Variants in SPEF2 observed in about 807,000 individuals in gnomAD.
The protein encoded by SPEF2 is sperm flagellar and cilia associated 2.
SPEF2 carries 187 observed loss-of-function variants against 224.6 expected under a neutral mutation model. That is an observed-to-expected ratio of 0.83 (90% CI 0.74 to 0.94). The LOEUF (loss-of-function observed/expected upper bound fraction) is 0.94. SPEF2 is among the 40% of genes least tolerant of loss of function. SPEF2 has a pLI of 0.00. For synonymous variants in SPEF2, 715 were observed against 707.3 expected (o/e 1.01, Z -0.17); for missense variants, 2,170 against 2,135.6 (o/e 1.02, Z -0.32).
chr5:35,791,367 GA>G (rs1271678744), intron 30 of SPEF2: 2 of 152,172 alleles, frequency 1.3e-5, no homozygotes, highest in African/African-American at 4.8e-5. Context: ...TGAGATTTTA[GA>G]AGGATTATTG....
chr5:35,772,053 T>C (rs1044380654), intron 27 of SPEF2, among the ~76,000 whole-genome samples: 1 of 152,236 alleles, frequency 6.6e-6, no homozygotes, highest in Non-Finnish European at 1.5e-5. Context: ...CTGAAAAGTC[T>C]GTGCAGAAAG....
intron 10 of SPEF2, among the ~76,000 whole-genome samples, chr5:35,683,161 C>G (rs1364004507): frequency 2.6e-5 from 4 of 152,136 alleles, no homozygotes; most frequent in Admixed American, 2.6e-4. Flanking sequence ...CCATTAGGCT[C>G]CTACAACAGG....
chr5:35,690,927 A>G (rs1411813143), intron 10 of SPEF2, 110 bp from the exon 11 acceptor site: 4 of 747,096 alleles, frequency 5.4e-6, no homozygotes, highest in East Asian at 2.8e-5. Flanking sequence ...TAAAGTATTC[A>G]TTGGCTTTTG....
At chr5:35,810,384 T>C (rs1265163657) in intron 36 of SPEF2, among the ~76,000 whole-genome samples, 1 of 152,112 alleles carries the variant, frequency 6.6e-6, no homozygotes. Flanking sequence ...GCTAATTTTT[T>C]GTATTTTTAG....
At chr5:35,748,239 C>G (rs191101056) in intron 23 of SPEF2, among the ~76,000 whole-genome samples, 1 of 151,946 alleles carries the variant, frequency 6.6e-6, no homozygotes, top group African/African-American at 2.4e-5. Flanking sequence ...CAAAAGAGCA[C>G]AAACTGACAT....
At chr5:35,753,233 GTTAA>G (rs1262780523) in intron 23 of SPEF2, among the ~76,000 whole-genome samples, 3 of 151,920 alleles carry the variant, frequency 2.0e-5, no homozygotes, top group Non-Finnish European at 4.4e-5. Flanking sequence ...AATTAATTAT[GTTAA>G]TTAATACAGC....
intron 10 of SPEF2, among the ~76,000 whole-genome samples, chr5:35,672,180 A>G (rs1448328231): frequency 1.3e-5 from 2 of 150,436 alleles, no homozygotes; most frequent in East Asian, 4.1e-4. Flanking sequence ...TTTGTTCAGG[A>G]GTTTTAATGC....
In SPEF2 at chr5:35,671,260, C is replaced by T. The variant is rs937436813; in HGVS notation, c.1524+1033C>T. 5.1e-6 allele frequency: 5 copies of T among 978,150 alleles called. No individual in the cohort carries two copies. The African/African-American group carries it at 8.8e-5, about 17-fold the overall frequency. 60.6% of individuals were successfully genotyped at this position (978,150 alleles called of 1,614,324 possible). On this transcript the variant is annotated intron_variant, in intron 10 of 36. Transcript: ENST00000356031. Reference sequence around the variant, plus strand: ...ATGAACAAAGAAAAGTGCAAAATAACACTAACAAGTAAATATTACAAGAAG... The same window carrying T: ...ATGAACAAAGAAAAGTGCAAAATAATACTAACAAGTAAATATTACAAGAAG...
chr5:35,684,450 A>G (rs1305962662), intron 10 of SPEF2, among the ~76,000 whole-genome samples: 5 of 152,228 alleles, frequency 3.3e-5, no homozygotes, highest in Non-Finnish European at 7.3e-5. Flanking sequence ...TCACAGTGAC[A>G]TCCTATTCCA....
intron 20 of SPEF2, among the ~76,000 whole-genome samples, chr5:35,715,969 G>A (rs977550226): frequency 2.0e-5 from 3 of 151,844 alleles, no homozygotes; most frequent in African/African-American, 7.3e-5. Context: ...ACTAAAGATT[G>A]AAATGCAGTA....
At chr5:35,742,987 A>T (rs934460428) in intron 23 of SPEF2, among the ~76,000 whole-genome samples, 2 of 151,714 alleles carry the variant, frequency 1.3e-5, no homozygotes, top group Admixed American at 6.6e-5. Flanking sequence ...TATTTAAAGT[A>T]TTATGTTACT....
At chr5:35,743,323 A>G (rs970291814) in intron 23 of SPEF2, among the ~76,000 whole-genome samples, 2 of 152,146 alleles carry the variant, frequency 1.3e-5, no homozygotes, top group African/African-American at 4.8e-5. Flanking sequence ...TTAAAATTCA[A>G]TCCAGGCAAT....
At chr5:35,699,161 C>T (rs1185460313) in intron 15 of SPEF2, 1 of 152,178 alleles carries the variant, frequency 6.6e-6, no homozygotes, top group Non-Finnish European at 1.5e-5. Context: ...TGTTTTCCCC[C>T]TCCTTCCTTG....
chr5:35,671,432 G>A (rs2149481393), intron 10 of SPEF2: 3 of 975,374 alleles, frequency 3.1e-6, no homozygotes, highest in South Asian at 4.7e-5. Context: ...ATATGTGGAT[G>A]TTTGTTTTGT....
intron 20 of SPEF2, among the ~76,000 whole-genome samples, chr5:35,716,876 T>A (rs1742676026): frequency 6.6e-6 from 1 of 152,170 alleles, no homozygotes; most frequent in South Asian, 2.1e-4. Flanking sequence ...ACTTATTAAT[T>A]CCTGCTGTCG....
chr5:35,684,078 ATAATT>A lies in SPEF2; in HGVS notation c.1525-6954_1525-6950del, dbSNP rs200088120. ...AAATAATATATGTTTTATTATATAA[ATAATT>A]TAATCATATCTACATAGATAATAAA... On this transcript the variant is annotated intron_variant, in intron 10 of 36. Transcript: ENST00000356031. The A allele has an allele frequency of 6.0e-3, 920 of 152,282 alleles. 15 individuals carry two copies. The highest frequency in any genetic ancestry group is 0.021 in the African/African-American group (882 of 41,570). 9.4% of individuals were successfully genotyped at this position (152,282 alleles called of 1,614,324 possible). A position where few individuals can be genotyped will look rare whatever the true frequency, so the allele number is the denominator to read the frequency against.
intron 25 of SPEF2, 56 bp downstream of exon 25, chr5:35,759,775 T>C: frequency 7.2e-7 from 1 of 1,396,218 alleles, no homozygotes; most frequent in Non-Finnish European, 9.5e-7. Flanking sequence ...GCTTTGTGAT[T>C]TAAAATTAAT....
At chr5:35,807,986 A>G (rs1435472747) in intron 36 of SPEF2, 19 of 1,319,940 alleles carry the variant, frequency 1.4e-5, no homozygotes, top group Non-Finnish European at 1.8e-5. Context: ...TGAGTTGTGT[A>G]TTGAACTACA....
At chr5:35,762,626 C>T (rs1276937922) in intron 25 of SPEF2, among the ~76,000 whole-genome samples, 1 of 152,138 alleles carries the variant, frequency 6.6e-6, no homozygotes, top group Non-Finnish European at 1.5e-5. Context: ...TTCTGACTCT[C>T]CTCCTCTAGT....
Sources: gnomAD v4.1 joint callset for allele counts (sites outside exome capture counted in the v4.1 genomes callset) on GRCh38, gnomAD v4.1.1 for gene constraint, MANE v1.5 for transcripts, NCBI Gene and HGNC (gene_info 2026-07-23, HGNC 2026-07-21) for gene names.